DIS3L2: variants seen among roughly 807,000 people sequenced by gnomAD.
The protein encoded by DIS3L2 is DIS3 like 3'-5' exoribonuclease 2, also known as DIS3-like exonuclease 2.
In DIS3L2, 34 loss-of-function variants were observed where a neutral mutation model predicts 97.5. The ratio of observed to expected loss-of-function variants is 0.35; its 90% CI spans 0.27 to 0.46. DIS3L2 has a LOEUF of 0.46. DIS3L2 is among the 20% of genes least tolerant of loss of function. DIS3L2 has a pLI of 1.00. For synonymous variants in DIS3L2, 435 were observed against 445.2 expected (o/e 0.98, Z 0.29); for missense variants, 1,038 against 1,146.0 (o/e 0.91, Z 1.36).
chr2:232,329,785 T>TCCCCGGGGGGGGGG, intron 14 of DIS3L2, 28 bp from the exon 15 acceptor site: 8 of 967,138 alleles, frequency 8.3e-6, no homozygotes, highest in South Asian at 2.1e-5. Flanking sequence ...ACCCCAGCGG[T>TCCCCGGGGGGGGGG]CCCTCCCATC....
chr2:232,068,950 G>C (rs1030506788), intron 5 of DIS3L2, among the ~76,000 whole-genome samples: 4 of 151,956 alleles, frequency 2.6e-5, no homozygotes, highest in Non-Finnish European at 5.9e-5. Context: ...TCGAGTACCT[G>C]GGATTACAGG....
downstream of DIS3L2, among the ~76,000 whole-genome samples, chr2:232,340,264 C>T (rs575883910): frequency 2.6e-5 from 4 of 152,260 alleles, no homozygotes; most frequent in East Asian, 1.9e-4. Context: ...CTGAGAAAGG[C>T]GACTCCAAAG....
chr2:232,300,698 G>C (rs1694832987), intron 14 of DIS3L2, among the ~76,000 whole-genome samples: 1 of 144,356 alleles, frequency 6.9e-6, no homozygotes, highest in African/African-American at 2.6e-5. Flanking sequence ...TCTGTCACCT[G>C]GGCTAGAGTG....
intron 11 of DIS3L2, among the ~76,000 whole-genome samples, chr2:232,244,941 T>A (rs1693209004): frequency 6.6e-6 from 1 of 152,176 alleles, no homozygotes; most frequent in African/African-American, 2.4e-5. Context: ...CAGTGAGGAC[T>A]TGCAGAAGTA....
chr2:232,084,222 T>G (rs966086133), intron 5 of DIS3L2, among the ~76,000 whole-genome samples: 23 of 152,188 alleles, frequency 1.5e-4, no homozygotes, highest in Non-Finnish European at 2.9e-4. Flanking sequence ...AAAGCAGAAG[T>G]GCAGATGGGG....
intron 9 of DIS3L2, among the ~76,000 whole-genome samples, chr2:232,205,120 A>G (rs1691993550): frequency 6.6e-6 from 1 of 151,620 alleles, no homozygotes; most frequent in Non-Finnish European, 1.5e-5. Context: ...GCATCCCCTC[A>G]ACACATGATT....
Position 232,129,254 on chromosome 2 carries a change from A to T in DIS3L2, c.602-1365A>T, listed in dbSNP as rs75534833. Among the ~76,000 whole-genome samples, 1,495 of 152,312 alleles carry T rather than the reference A, an allele frequency of 9.8e-3. 12 individuals are homozygous for T. The highest frequency in any genetic ancestry group is 0.016 in the South Asian group (76 of 4,828). On this transcript the variant is annotated intron_variant, in intron 6 of 20. Coordinates refer to ENST00000325385, the MANE Select transcript of DIS3L2 (RefSeq NM_152383.5). Reference sequence around the variant, plus strand: ...TAGTTGTCAAATATCTAAGTAGAGGATACTTATTCATGGTAATTCCACGCT... The same window carrying T: ...TAGTTGTCAAATATCTAAGTAGAGGTTACTTATTCATGGTAATTCCACGCT...
At position 232,333,982 on chromosome 2, in the gene DIS3L2, C is replaced by A. The variant is rs1378940492; in HGVS notation, c.2153C>A (p.Ala718Glu). Residue 718 changes from alanine to glutamate, a missense_variant, in exon 17 of 21, where the codon GCG (alanine) becomes GAG (glutamate). Physicochemically the swap from Ala to Glu is moderately radical, Grantham distance 107. This residue lies in a region of DIS3L2 where 221 missense variants were observed against 246.9 expected (regional missense o/e 0.90). Coordinates refer to ENST00000325385, the MANE Select transcript of DIS3L2 (RefSeq NM_152383.5). ...DVLVHRLLAA[A>E]LGYRERLDMA... ...CTGGTGCACCGCCTCCTGGCTGCCGCGTTAGGTGAGGGGTGCAGTCGGGGT... is the reference window on the plus strand; with the variant it reads ...CTGGTGCACCGCCTCCTGGCTGCCGAGTTAGGTGAGGGGTGCAGTCGGGGT... The A allele has an allele frequency of 6.2e-7, 1 of 1,608,074 alleles. No individual in the cohort carries two copies. The highest frequency in any genetic ancestry group is 8.5e-7 in the Non-Finnish European group (1 of 1,177,430).
At chr2:232,311,448 A>G (rs937210104) in intron 14 of DIS3L2, among the ~76,000 whole-genome samples, 55 of 152,240 alleles carry the variant, frequency 3.6e-4, no homozygotes, top group African/African-American at 1.3e-3. Flanking sequence ...GAACATGGCC[A>G]GGTGCAGTGG....
intron 9 of DIS3L2, among the ~76,000 whole-genome samples, chr2:232,174,858 T>A (rs1691104181): frequency 6.6e-6 from 1 of 151,488 alleles, no homozygotes; most frequent in African/African-American, 2.4e-5. Context: ...TTTTTTTGTT[T>A]TGAGACAGCG....
intron 5 of DIS3L2, among the ~76,000 whole-genome samples, chr2:232,060,213 C>A (rs1396044215): frequency 2.6e-5 from 4 of 151,820 alleles, no homozygotes; most frequent in Non-Finnish European, 1.5e-5. Context: ...TGATTGTTTC[C>A]TTTGCCGTGC....
At chr2:232,254,889 G>C (rs1158969796) in intron 12 of DIS3L2, among the ~76,000 whole-genome samples, 1 of 152,212 alleles carries the variant, frequency 6.6e-6, no homozygotes, top group Non-Finnish European at 1.5e-5. Context: ...TTGGACTAGA[G>C]ACAGAGTTGT....
intron 6 of DIS3L2, among the ~76,000 whole-genome samples, chr2:232,122,473 T>C (rs1467019246): frequency 2.0e-5 from 3 of 152,116 alleles, no homozygotes; most frequent in African/African-American, 7.2e-5. Context: ...TCCCAGCATT[T>C]TGGAAGGCCG....
chr2:232,237,117 A>G (rs1006040988), intron 10 of DIS3L2, among the ~76,000 whole-genome samples: 2 of 152,198 alleles, frequency 1.3e-5, no homozygotes, highest in Non-Finnish European at 2.9e-5. Flanking sequence ...TCATACACAC[A>G]TACATGTATA....
At chr2:232,343,336 A>G in intron 13 of DIS3L2, 1 of 1,551,166 alleles carries the variant, frequency 6.4e-7, no homozygotes, top group Non-Finnish European at 8.7e-7. Flanking sequence ...GACACGGAAA[A>G]GGGCCCAGCA....
At chr2:232,335,109 C>T (rs1480474794) in intron 19 of DIS3L2, 1 of 227,120 alleles carries the variant, frequency 4.4e-6, no homozygotes, top group Non-Finnish European at 8.8e-6. Flanking sequence ...AGAGCTGTCC[C>T]TGGCTCGGCT....
chr2:232,017,979 A>C (rs1318148945), intron 3 of DIS3L2, among the ~76,000 whole-genome samples: 1 of 152,186 alleles, frequency 6.6e-6, no homozygotes, highest in Non-Finnish European at 1.5e-5. Flanking sequence ...TCCAGAAGTT[A>C]GCTCAGTGCC....
intron 1 of DIS3L2, among the ~76,000 whole-genome samples, chr2:231,982,587 G>T (rs1284733036): frequency 6.6e-6 from 1 of 151,604 alleles, no homozygotes; most frequent in Non-Finnish European, 1.5e-5. Context: ...TTACCATTTA[G>T]TGAGAAATCT....
chr2:232,016,905 CCTCCCTCCCTCCCTCT>C (rs1223187258), intron 3 of DIS3L2, among the ~76,000 whole-genome samples: 11 of 132,132 alleles, frequency 8.3e-5, no homozygotes, highest in Non-Finnish European at 1.6e-4. Context: ...TTGTCCCCTC[CCTCCCTCCCTCCCTCT>C]CTCCCTCCCT....
Sources: allele counts gnomAD v4.1 joint callset (sites outside exome capture counted in the v4.1 genomes callset), GRCh38; gene constraint gnomAD v4.1.1; regional missense constraint gnomAD v4.1.1; transcripts MANE v1.5; gene names NCBI Gene and HGNC (gene_info 2026-07-23, HGNC 2026-07-21).